Variants in ABR observed in about 807,000 individuals in gnomAD.
The protein encoded by ABR is ABR activator of RhoGEF and GTPase, also known as active breakpoint cluster region-related protein.
ABR carries 35 observed loss-of-function variants against 107.2 expected under a neutral mutation model. The ratio of observed to expected loss-of-function variants is 0.33; its 90% CI spans 0.25 to 0.43. ABR has a LOEUF of 0.43. Ranked by LOEUF, ABR falls within the 20% of genes least tolerant of loss-of-function variation. The probability of loss-of-function intolerance (pLI) is 1.00; values close to 1 mark genes in which losing one functional copy is unlikely to be tolerated. For synonymous variants in ABR, 498 were observed against 462.0 expected, an observed-to-expected ratio of 1.08 and a Z score of -1.00; for missense variants, 815 against 1,115.2, an observed-to-expected ratio of 0.73 and a Z score of 3.83.
At chr17:1,146,214 C>A (rs550656979) in intron 1 of ABR, among the ~76,000 whole-genome samples, 1 of 151,130 alleles carries the variant, frequency 6.6e-6, no homozygotes, top group Non-Finnish European at 1.5e-5. Context: ...GGGCAAAAGC[C>A]CAGCCAGCTT....
chr17:1,032,583 GGAC>G (rs2072892340), intron 16 of ABR, among the ~76,000 whole-genome samples: 1 of 131,234 alleles, frequency 7.6e-6, no homozygotes, highest in Non-Finnish European at 1.5e-5. Context: ...TGGGCGCAGA[GGAC>G]GCCACGGGCA....
intron 2 of ABR, among the ~76,000 whole-genome samples, chr17:1,113,260 A>G (rs2038802939): frequency 7.2e-6 from 1 of 139,212 alleles, no homozygotes; most frequent in South Asian, 2.3e-4. Flanking sequence ...AAGGGATAAC[A>G]TGGAAACACC....
chr17:1,012,211 G>A (rs2070648998), intron 18 of ABR: 1 of 721,708 alleles, frequency 1.4e-6, no homozygotes, highest in Non-Finnish European at 2.5e-6. Context: ...AGAAGCCTTG[G>A]GAACTTGGGA....
At chr17:1,187,555 G>T (rs2042334249), upstream of ABR, among the ~76,000 whole-genome samples, 1 of 152,230 alleles carries the variant, frequency 6.6e-6, no homozygotes, top group African/African-American at 2.4e-5. Context: ...GGAGTGACAT[G>T]GGGAGAATGA....
At position 1,078,720 on chromosome 17, in the gene ABR, G is replaced by A; in HGVS notation, c.700+610C>T. On this transcript the variant is annotated intron_variant, in intron 6 of 22. Coordinates refer to ENST00000302538, the MANE Select transcript of ABR (RefSeq NM_021962.5). The surrounding 1 kb of genome is among the most constrained non-coding windows in gnomAD (Gnocchi z 7.5). ...CGCTCGCCCACCCTCCTTCCCTGCG[G>A]CCCTCTAACCTCCCCGGCCACATCT... 2.3e-6 allele frequency: 3 copies of A among 1,314,196 alleles called. No homozygotes were observed. Among genetic ancestry groups the A allele is most frequent in the East Asian group, 2.5e-5 (1 of 39,258 alleles). The allele number at this position is 1,314,196 out of a possible 1,614,324, so 81.4% of individuals were successfully genotyped here. A position where few individuals can be genotyped will look rare whatever the true frequency, so the allele number is the denominator to read the frequency against.
At chr17:1,158,836 C>A (rs76102513) in intron 1 of ABR, among the ~76,000 whole-genome samples, 2,600 of 152,162 alleles carry the variant, frequency 0.017, 35 homozygotes, top group South Asian at 0.03. Flanking sequence ...ACACAGAGGG[C>A]TGGCATGGGA....
intron 1 of ABR, among the ~76,000 whole-genome samples, chr17:1,223,151 G>A (rs1211936616): frequency 6.6e-6 from 1 of 151,508 alleles, no homozygotes; most frequent in East Asian, 1.9e-4. Context: ...GCAGTGAGCC[G>A]AGATCTTGCC....
chr17:1,043,017 G>A (rs1175423059), intron 16 of ABR, among the ~76,000 whole-genome samples: 2 of 152,210 alleles, frequency 1.3e-5, no homozygotes, highest in African/African-American at 2.4e-5. Context: ...AAAGCAGGCA[G>A]GTGGTTACTG....
At chr17:1,066,895 A>G (rs2034798403) in intron 10 of ABR, among the ~76,000 whole-genome samples, 182 bp downstream of exon 10, 2 of 152,056 alleles carry the variant, frequency 1.3e-5, no homozygotes, top group African/African-American at 2.4e-5. Context: ...TGTTAGCCCT[A>G]TGAAATCCTG....
chr17:1,209,598 TAG>T (rs1187322299), intron 1 of ABR, among the ~76,000 whole-genome samples: 1 of 152,084 alleles, frequency 6.6e-6, no homozygotes, highest in Non-Finnish European at 1.5e-5. Flanking sequence ...TTCTTCCAGA[TAG>T]AGTTTATGGT....
chr17:1,009,717 G>A lies in ABR; in HGVS notation c.2304C>T (p.Asn768=), dbSNP rs1275003318. 1 of 1,614,178 alleles carries A rather than the reference G, an allele frequency of 6.2e-7. No individual in the cohort carries two copies. Among genetic ancestry groups the A allele is most frequent in the Non-Finnish European group, 8.5e-7 (1 of 1,180,026 alleles). ...MHLLRSLPDP[N]LITFLFLLEH... Reference sequence around the variant, plus strand: ...CCAGCAGGAAGAGGAAGGTGATGAGGTTGGGGTCGGGCAGGGAGCGGAGCA... The same window carrying A: ...CCAGCAGGAAGAGGAAGGTGATGAGATTGGGGTCGGGCAGGGAGCGGAGCA... The change falls in exon 21 of 23, where the codon AAC becomes AAT. Residue 768 remains asparagine, a synonymous_variant. Transcript: ENST00000302538.
chr17:1,006,499 G>A (rs982191439), intron 22 of ABR, among the ~76,000 whole-genome samples: 19 of 152,196 alleles, frequency 1.2e-4, no homozygotes, highest in Non-Finnish European at 2.8e-4. Context: ...TGAGGACAAG[G>A]GCCCAGCATC....
chr17:1,010,810 C>T lies in ABR; in HGVS notation c.2155G>A (p.Gly719Arg). 6.2e-7 allele frequency: 1 copy of T among 1,613,844 alleles called. No individual in the cohort carries two copies. The highest frequency in any genetic ancestry group is 8.5e-7 in the Non-Finnish European group (1 of 1,180,012). The change falls in exon 20 of 23, where the codon GGG becomes AGG. Residue 719 changes from glycine (G) to arginine (R), a missense_variant. By Grantham distance (125) the Gly-to-Arg change is moderately radical (BLOSUM62 -2). Transcript: ENST00000302538. This position sits in a 1 kb window ranked among gnomAD's most constrained non-coding sequence, Gnocchi z 4.1. Reference sequence around the variant, plus strand: ...TCCCGGAAGTACAGCTTGAGCGTCCCGGCGATGGCGTTGATGTCCATGTCA... The same window carrying T: ...TCCCGGAAGTACAGCTTGAGCGTCCTGGCGATGGCGTTGATGTCCATGTCA... The part of the protein sequence containing the change: ...LSDMDINAIA[G>R]TLKLYFRELP...
chr17:1,121,389 C>T (rs7220087), intron 2 of ABR, among the ~76,000 whole-genome samples: 1 of 152,228 alleles, frequency 6.6e-6, no homozygotes, highest in African/African-American at 2.4e-5. Context: ...CTGTTGGCTC[C>T]CCAGCCCTCT....
At chr17:1,225,751 C>G (rs1157408019) in intron 1 of ABR, among the ~76,000 whole-genome samples, 2 of 152,116 alleles carry the variant, frequency 1.3e-5, no homozygotes, top group African/African-American at 2.4e-5. Context: ...CAGGACCCGT[C>G]CAAAACGCTT....
intron 16 of ABR, chr17:1,031,724 G>A: frequency 3.2e-6 from 4 of 1,244,452 alleles, no homozygotes; most frequent in African/African-American, 1.6e-5. Flanking sequence ...AGTCGGGCTG[G>A]GGCAGGACGT....
chr17:1,017,135 C>T (rs553380267), intron 16 of ABR, among the ~76,000 whole-genome samples: 1 of 152,210 alleles, frequency 6.6e-6, no homozygotes, highest in East Asian at 1.9e-4. Flanking sequence ...AACCACTGCT[C>T]CGGGCACCTC....
chr17:1,130,586 G>A (rs1029155352), intron 1 of ABR, among the ~76,000 whole-genome samples: 4 of 152,266 alleles, frequency 2.6e-5, no homozygotes, highest in East Asian at 1.9e-4. Context: ...AGCTCCCTGC[G>A]GTGGGTTCAG....
chr17:1,185,422 G>A (rs979589915), intron 1 of ABR, among the ~76,000 whole-genome samples: 17 of 151,940 alleles, frequency 1.1e-4, no homozygotes, highest in Non-Finnish European at 2.4e-4. Flanking sequence ...AGGCCAGCGG[G>A]TCACCTGAGG....
Sources: allele counts gnomAD v4.1 joint callset (sites outside exome capture counted in the v4.1 genomes callset), GRCh38; gene constraint gnomAD v4.1.1; non-coding constraint Gnocchi (gnomAD v3.1); transcripts MANE v1.5; gene names NCBI Gene and HGNC (gene_info 2026-07-23, HGNC 2026-07-21).